The following TPCN1 variants were observed in gnomAD, a reference collection of about 807,000 sequenced individuals.
The protein encoded by TPCN1 is two pore channel protein 1.
A neutral mutation model predicts 108.8 loss-of-function variants in TPCN1; 52 were observed. That is an observed-to-expected ratio of 0.48 (90% CI 0.38 to 0.60). The LOEUF (loss-of-function observed/expected upper bound fraction) is 0.60. TPCN1 is among the 20% of genes least tolerant of loss of function. The pLI is 0.00. For synonymous variants in TPCN1, 446 were observed against 433.7 expected, an observed-to-expected ratio of 1.03 and a Z score of -0.35; for missense variants, 806 against 1,072.8, an observed-to-expected ratio of 0.75 and a Z score of 3.47.
chr12:113,243,453 C>T (rs1427159117), intron 2 of TPCN1, among the ~76,000 whole-genome samples: 1 of 151,924 alleles, frequency 6.6e-6, no homozygotes, highest in Non-Finnish European at 1.5e-5. Flanking sequence ...GGCACAGACT[C>T]ATGCCTGTAA....
chr12:113,269,556 G>A lies in TPCN1; in HGVS notation c.660-201G>A, dbSNP rs1955410636. Among the ~76,000 whole-genome samples the A allele has an allele frequency of 1.3e-5, 2 of 152,252 alleles. No homozygotes were observed. Among genetic ancestry groups the A allele is most frequent in the East Asian group, 1.9e-4 (1 of 5,178 alleles). ...CCAGGTGGAGGTGGCTGTGTGCTACGCCTGCCCTAGTTCTTCCCTGCCATC... is the reference window on the plus strand; with the variant it reads ...CCAGGTGGAGGTGGCTGTGTGCTACACCTGCCCTAGTTCTTCCCTGCCATC... On this transcript the variant is annotated intron_variant, in intron 6 of 27. Coordinates refer to ENST00000335509, the MANE Select transcript of TPCN1 (RefSeq NM_017901.6). The surrounding 1 kb of genome is among the most constrained non-coding windows in gnomAD (Gnocchi z 5.0).
intron 27 of TPCN1, among the ~76,000 whole-genome samples, chr12:113,295,581 C>CCTCGGTGT (rs1956397573): frequency 6.6e-6 from 1 of 151,956 alleles, no homozygotes; most frequent in African/African-American, 2.4e-5. Context: ...CAGCTCTAAG[C>CCTCGGTGT]CTCGGTGTCT....
chr12:113,275,382 C>G (rs1955636902), intron 10 of TPCN1, among the ~76,000 whole-genome samples: 1 of 151,768 alleles, frequency 6.6e-6, no homozygotes, highest in Non-Finnish European at 1.5e-5. Context: ...GGACTACAGG[C>G]ACATGCACAT....
In TPCN1 at chr12:113,269,481, T is replaced by G. The variant is rs549430464; in HGVS notation, c.660-276T>G. ...GCACCCAAGGTCATGCCCTTGGCCT[T>G]CTGCTGCTCTGTTCCCTGCTTGCAT... On this transcript the variant is annotated intron_variant, in intron 6 of 27. Transcript: ENST00000335509. This position sits in a 1 kb window ranked among gnomAD's most constrained non-coding sequence, Gnocchi z 5.0. 1.3e-5 allele frequency among the ~76,000 whole-genome samples: 2 copies of G among 152,294 alleles called. No individual in the cohort carries two copies. The highest frequency in any genetic ancestry group is 2.4e-5 in the African/African-American group (1 of 41,554).
At chr12:113,293,599 C>T (rs1042027247) in intron 27 of TPCN1, among the ~76,000 whole-genome samples, 5 of 152,224 alleles carry the variant, frequency 3.3e-5, no homozygotes, top group Non-Finnish European at 5.9e-5. Flanking sequence ...CTTATGAATT[C>T]TCCAGAACCT....
chr12:113,242,902 C>A (rs1954207996), intron 2 of TPCN1, among the ~76,000 whole-genome samples: 1 of 152,216 alleles, frequency 6.6e-6, no homozygotes, highest in African/African-American at 2.4e-5. Context: ...GATCTCAGTG[C>A]ACCAGAGTCA....
rs1953667722 is a variant in TPCN1 at position 113,231,029 on chromosome 12, G to A, written c.112+4065G>A. Among the ~76,000 whole-genome samples the A allele has an allele frequency of 6.6e-6, 1 of 152,252 alleles. No individual in the cohort carries two copies. Among genetic ancestry groups the A allele is most frequent in the Non-Finnish European group, 1.5e-5 (1 of 68,042 alleles). On this transcript the variant is annotated intron_variant, in intron 2 of 27. Coordinates refer to ENST00000335509, the MANE Select transcript of TPCN1 (RefSeq NM_017901.6). This position sits in a 1 kb window ranked among gnomAD's most constrained non-coding sequence, Gnocchi z 4.3. Reference sequence around the variant, plus strand: ...CTGTAAACCTTTGAAGTACTAAGGAGTTGGCAGAATGCAGATGCAGGCCAT... The same window carrying A: ...CTGTAAACCTTTGAAGTACTAAGGAATTGGCAGAATGCAGATGCAGGCCAT...
chr12:113,223,180 G>A (rs1953322954), intron 1 of TPCN1, among the ~76,000 whole-genome samples: 1 of 152,230 alleles, frequency 6.6e-6, no homozygotes, highest in Non-Finnish European at 1.5e-5. Context: ...GTGCTGGGCA[G>A]AGAGCTACGG....
intron 15 of TPCN1, 144 bp downstream of exon 15, chr12:113,280,339 A>G (rs1955844944): frequency 3.3e-6 from 2 of 611,178 alleles, no homozygotes; most frequent in Non-Finnish European, 5.7e-6. Flanking sequence ...AAAAGTGAAG[A>G]GAACATTACC....
chr12:113,262,253 T>A (rs1468958236), intron 3 of TPCN1, among the ~76,000 whole-genome samples: 1 of 152,036 alleles, frequency 6.6e-6, no homozygotes, highest in Admixed American at 6.5e-5. Flanking sequence ...CTGGTAAAAA[T>A]ACAAAAATTA....
At chr12:113,230,796 T>G (rs990613784) in intron 2 of TPCN1, among the ~76,000 whole-genome samples, 12 of 152,156 alleles carry the variant, frequency 7.9e-5, no homozygotes, top group African/African-American at 2.7e-4. Context: ...GTGCCCACAA[T>G]ATGCAGGTAC....
chr12:113,238,842 C>T (rs530877022), intron 2 of TPCN1, among the ~76,000 whole-genome samples: 3 of 152,218 alleles, frequency 2.0e-5, no homozygotes, highest in East Asian at 1.9e-4. Flanking sequence ...ATTTAAAATA[C>T]GGGTGGGAGC....
At chr12:113,235,101 A>G (rs1203844123) in intron 2 of TPCN1, among the ~76,000 whole-genome samples, 4 of 152,234 alleles carry the variant, frequency 2.6e-5, no homozygotes, top group Non-Finnish European at 5.9e-5. Context: ...AGTGGGAATC[A>G]GAACAGGTCA....
Position 113,288,626 on chromosome 12 carries a change from G to T in TPCN1, c.1707-132G>T. 6.5e-7 allele frequency: 1 copy of T among 1,529,210 alleles called. No individual in the cohort carries two copies. The allele number at this position is 1,529,210 out of a possible 1,614,324, so 94.7% of individuals were successfully genotyped here. ...GCCCCACGAGGCCCCTTCCCCGCAG[G>T]CACTTTCCAGTTGGTGAACCGACCA... On this transcript the variant is annotated intron_variant, in intron 20 of 27. Transcript: ENST00000335509. The surrounding 1 kb of genome is among the most constrained non-coding windows in gnomAD (Gnocchi z 4.8).
chr12:113,267,985 C>T (rs1441705766), intron 5 of TPCN1, 29 bp downstream of exon 5: 11 of 1,479,218 alleles, frequency 7.4e-6, no homozygotes, highest in Non-Finnish European at 1.0e-5. Context: ...TGTCCCTCCC[C>T]TCACAGCCTT....
chr12:113,247,236 G>A (rs1460587632), intron 2 of TPCN1, among the ~76,000 whole-genome samples: 2 of 152,132 alleles, frequency 1.3e-5, no homozygotes, highest in Non-Finnish European at 2.9e-5. Context: ...TCATTTTGAG[G>A]AAGCTGGGCC....
In TPCN1 at chr12:113,269,259, A is replaced by G. The variant is rs1436460107; in HGVS notation, c.659+387A>G. Among the ~76,000 whole-genome samples, 1 of 152,134 alleles carries G rather than the reference A, an allele frequency of 6.6e-6. No individual in the cohort carries two copies. Among genetic ancestry groups the G allele is most frequent in the Non-Finnish European group, 1.5e-5 (1 of 68,028 alleles). On this transcript the variant is annotated intron_variant, in intron 6 of 27. Transcript: ENST00000335509. The surrounding 1 kb of genome is among the most constrained non-coding windows in gnomAD (Gnocchi z 5.0). Reference sequence around the variant, plus strand: ...CCAGACCAAGCCTCGACTGAGATTTATTTTGGGAGACTCAATCTGGAAAAT... The same window carrying G: ...CCAGACCAAGCCTCGACTGAGATTTGTTTTGGGAGACTCAATCTGGAAAAT...
At position 113,288,961 on chromosome 12, in the gene TPCN1, G is replaced by C; in HGVS notation, c.1796+114G>C. On this transcript the variant is annotated intron_variant, in intron 21 of 27. Transcript: ENST00000335509. This position sits in a 1 kb window ranked among gnomAD's most constrained non-coding sequence, Gnocchi z 4.8. ...GGTCCTCGGGGATGTTCCTGTCTAA[G>C]CAACCACCTTGCTTTGCTTTCAGGG... 9.7e-7 allele frequency: 1 copy of C among 1,035,624 alleles called. No homozygotes were observed. The highest frequency in any genetic ancestry group is 1.5e-6 in the Non-Finnish European group (1 of 675,198). The allele number at this position is 1,035,624 out of a possible 1,614,324, so 64.2% of individuals were successfully genotyped here.
intron 1 of TPCN1, among the ~76,000 whole-genome samples, chr12:113,226,418 T>C (rs1196013659): frequency 6.6e-6 from 1 of 152,136 alleles, no homozygotes; most frequent in Non-Finnish European, 1.5e-5. Flanking sequence ...GTACCTGGGA[T>C]TACAGGCACC....
Sources: gnomAD v4.1 joint callset for allele counts (sites outside exome capture counted in the v4.1 genomes callset) on GRCh38, gnomAD v4.1.1 for gene constraint, Gnocchi (gnomAD v3.1) non-coding constraint, MANE v1.5 for transcripts, NCBI Gene and HGNC (gene_info 2026-07-23, HGNC 2026-07-21) for gene names.